The following GRIK2 variants were observed in gnomAD, a reference collection of about 807,000 sequenced individuals.
GRIK2 encodes the protein glutamate receptor ionotropic, kainate 2.
Under a neutral mutation model 100.3 loss-of-function variants are expected in GRIK2, and 32 were observed. The ratio of observed to expected loss-of-function variants is 0.32; its 90% CI spans 0.24 to 0.43. The LOEUF (loss-of-function observed/expected upper bound fraction) is 0.43, where lower values mean the gene tolerates loss of function less well. GRIK2 is among the 20% of genes least tolerant of loss of function. The pLI is 1.00. For synonymous variants in GRIK2, 417 were observed against 389.4 expected, an observed-to-expected ratio of 1.07 and a Z score of -0.83; for missense variants, 843 against 1,114.9, an observed-to-expected ratio of 0.76 and a Z score of 3.47.
At chr6:101,616,223 T>G (rs1779887838) in intron 2 of GRIK2, among the ~76,000 whole-genome samples, 1 of 151,946 alleles carries the variant, frequency 6.6e-6, no homozygotes, top group South Asian at 2.1e-4. Flanking sequence ...ACCCTGAGAT[T>G]TTATCTTCAC....
At chr6:101,883,729 G>A (rs747112881) in intron 11 of GRIK2, among the ~76,000 whole-genome samples, 1 of 152,092 alleles carries the variant, frequency 6.6e-6, no homozygotes, top group Non-Finnish European at 1.5e-5. Flanking sequence ...AAAGGGACGA[G>A]CTTTCCAGGG....
intron 7 of GRIK2, among the ~76,000 whole-genome samples, chr6:101,793,202 T>C (rs1482957142): frequency 6.6e-6 from 1 of 152,248 alleles, no homozygotes; most frequent in Non-Finnish European, 1.5e-5. Flanking sequence ...CCTTCTTCTC[T>C]CAACTTGTCA....
At chr6:101,818,910 A>T (rs1781789883) in intron 10 of GRIK2, among the ~76,000 whole-genome samples, 2 of 152,100 alleles carry the variant, frequency 1.3e-5, no homozygotes, top group Admixed American at 6.6e-5. Context: ...TTTTCTCATT[A>T]TAATTATATT....
intron 2 of GRIK2, among the ~76,000 whole-genome samples, chr6:101,564,738 A>C (rs1434952083): frequency 6.6e-6 from 1 of 152,086 alleles, no homozygotes; most frequent in East Asian, 1.9e-4. Context: ...CCTACCTCAC[A>C]GCTCCTTCAG....
chr6:101,667,659 T>C (rs1437495795), intron 4 of GRIK2, among the ~76,000 whole-genome samples: 1 of 152,160 alleles, frequency 6.6e-6, no homozygotes, highest in Non-Finnish European at 1.5e-5. Context: ...GAAGAGAACA[T>C]AGTGCCTAGA....
At chr6:101,844,746 A>AT (rs1304634853) in intron 10 of GRIK2, among the ~76,000 whole-genome samples, 2 of 152,038 alleles carry the variant, frequency 1.3e-5, no homozygotes, top group Admixed American at 6.6e-5. Context: ...GACATGTCTC[A>AT]TTTTTTTCTT....
intron 7 of GRIK2, among the ~76,000 whole-genome samples, chr6:101,769,209 A>T (rs1008580674): frequency 1.3e-5 from 2 of 152,180 alleles, no homozygotes; most frequent in Non-Finnish European, 2.9e-5. Context: ...TGGAAAAAAA[A>T]GTAGATACAA....
rs192073085 is a variant in GRIK2, at chr6:101,675,420, A to G, written c.542-1203A>G. On this transcript the variant is annotated intron_variant, in intron 4 of 16. Coordinates refer to ENST00000369134, the MANE Select transcript of GRIK2 (RefSeq NM_021956.5). Reference sequence around the variant, plus strand: ...TTTGTCATACTGTATTGATGAAGGTAGTTTTTCAGGGAAAATAGAAATAGA... The same window carrying G: ...TTTGTCATACTGTATTGATGAAGGTGGTTTTTCAGGGAAAATAGAAATAGA... Among the ~76,000 whole-genome samples the G allele has an allele frequency of 5.9e-5, 9 of 152,318 alleles. No individual in the cohort carries two copies. The East Asian group carries it at 1.5e-3, about 26-fold the overall frequency.
At chr6:101,443,570 G>A (rs1371037832) in intron 2 of GRIK2, among the ~76,000 whole-genome samples, 1 of 151,970 alleles carries the variant, frequency 6.6e-6, no homozygotes, top group African/African-American at 2.4e-5. Flanking sequence ...AAGCTAAAGT[G>A]GGGCAGGTTC....
At chr6:101,508,846 A>T (rs1410585462) in intron 2 of GRIK2, among the ~76,000 whole-genome samples, 4 of 152,076 alleles carry the variant, frequency 2.6e-5, no homozygotes, top group African/African-American at 9.7e-5. Flanking sequence ...GCCAAGTGTG[A>T]ATTTTCCATC....
chr6:101,943,571 C>G (rs1791087525), intron 14 of GRIK2, among the ~76,000 whole-genome samples: 1 of 152,192 alleles, frequency 6.6e-6, no homozygotes, highest in Non-Finnish European at 1.5e-5. Context: ...CCTTGGGAGC[C>G]CACCTCTTGC....
At chr6:101,643,527 A>C (rs899942133) in intron 4 of GRIK2, among the ~76,000 whole-genome samples, 1 of 151,752 alleles carries the variant, frequency 6.6e-6, no homozygotes, top group Admixed American at 6.6e-5. Context: ...GTTGAAAATG[A>C]AAATTATTTT....
intron 7 of GRIK2, among the ~76,000 whole-genome samples, chr6:101,768,412 C>G (rs1778173196): frequency 6.6e-6 from 1 of 152,160 alleles, no homozygotes; most frequent in South Asian, 2.1e-4. Context: ...CCACCTTTTT[C>G]TAGCACCTAA....
chr6:101,845,933 GTGC>G (rs1783782260), intron 10 of GRIK2, among the ~76,000 whole-genome samples: 1 of 151,772 alleles, frequency 6.6e-6, no homozygotes, highest in Admixed American at 6.6e-5. Context: ...ATGTTTCTGT[GTGC>G]TTGTTGACAT....
chr6:101,494,578 T>C (rs1398208521), intron 2 of GRIK2, among the ~76,000 whole-genome samples: 1 of 152,034 alleles, frequency 6.6e-6, no homozygotes, highest in Non-Finnish European at 1.5e-5. Context: ...GAATATATTA[T>C]TTAGCTCAGG....
intron 7 of GRIK2, among the ~76,000 whole-genome samples, chr6:101,759,265 G>A (rs1404617644): frequency 6.6e-6 from 1 of 152,118 alleles, no homozygotes; most frequent in Non-Finnish European, 1.5e-5. Context: ...TGCTATTGAA[G>A]ATTATAATGA....
chr6:101,950,570 A>G (rs910473692), intron 14 of GRIK2, among the ~76,000 whole-genome samples: 2 of 152,092 alleles, frequency 1.3e-5, no homozygotes, highest in South Asian at 4.1e-4. Flanking sequence ...GGCTTCTCTT[A>G]TCTTCCCCAC....
chr6:101,838,382 C>G (rs546217065), intron 10 of GRIK2, among the ~76,000 whole-genome samples: 1 of 152,184 alleles, frequency 6.6e-6, no homozygotes, highest in African/African-American at 2.4e-5. Context: ...AATCAACCCA[C>G]CAAGATTCCT....
At chr6:101,584,601 G>A (rs1479411468) in intron 2 of GRIK2, among the ~76,000 whole-genome samples, 1 of 151,970 alleles carries the variant, frequency 6.6e-6, no homozygotes, top group Non-Finnish European at 1.5e-5. Context: ...CATTTCTTCT[G>A]TGAAGTAAAT....
Sources: gnomAD v4.1 joint callset for allele counts (sites outside exome capture counted in the v4.1 genomes callset) on GRCh38, gnomAD v4.1.1 for gene constraint, MANE v1.5 for transcripts, NCBI Gene and HGNC (gene_info 2026-07-23, HGNC 2026-07-21) for gene names.